PTPRT: variants seen among roughly 807,000 people sequenced by gnomAD.
PTPRT encodes receptor-type tyrosine-protein phosphatase T.
In PTPRT, 56 loss-of-function variants were observed where a neutral mutation model predicts 176.8. The ratio of observed to expected loss-of-function variants is 0.32; its 90% CI spans 0.26 to 0.40. The LOEUF (loss-of-function observed/expected upper bound fraction) is 0.40. PTPRT is among the 10% of genes least tolerant of loss of function. PTPRT has a pLI of 1.00. For missense variants in PTPRT, 1,540 were observed against 1,908.2 expected (o/e 0.81, Z 3.60); for synonymous variants, 783 against 739.0 (o/e 1.06, Z -0.96).
intron 13 of PTPRT, among the ~76,000 whole-genome samples, chr20:42,256,654 C>T (rs2056647041): frequency 1.3e-5 from 2 of 148,726 alleles, no homozygotes; most frequent in Non-Finnish European, 3.0e-5. Flanking sequence ...CACAGCCTCA[C>T]ATCAGACAGC....
the PTPRT span, among the ~76,000 whole-genome samples, chr20:42,050,725 CAGG>C: frequency 2.6e-5 from 4 of 152,184 alleles, no homozygotes; most frequent in Non-Finnish European, 5.9e-5. Flanking sequence ...CTGACCAGAA[CAGG>C]AGAAGAGGTC....
At chr20:42,181,109 C>CT (rs1365473315) in intron 16 of PTPRT, among the ~76,000 whole-genome samples, 7 of 152,164 alleles carry the variant, frequency 4.6e-5, no homozygotes, top group African/African-American at 7.2e-5. Flanking sequence ...GTTTCTTGTA[C>CT]TTTCCCATTT....
intron 7 of PTPRT, among the ~76,000 whole-genome samples, chr20:42,643,012 C>T (rs1048999135): frequency 2.6e-5 from 4 of 152,144 alleles, no homozygotes; most frequent in African/African-American, 9.7e-5. Flanking sequence ...ACCCCAAGGC[C>T]AGGCTAGCTT....
At chr20:42,360,570 A>G (rs1230893266) in intron 9 of PTPRT, among the ~76,000 whole-genome samples, 1 of 152,214 alleles carries the variant, frequency 6.6e-6, no homozygotes. Context: ...TTCTTGTTTA[A>G]TGAGTCTGTC....
chr20:42,464,568 C>T (rs1483296609), intron 8 of PTPRT, among the ~76,000 whole-genome samples: 2 of 152,152 alleles, frequency 1.3e-5, no homozygotes, highest in African/African-American at 4.8e-5. Context: ...CAGCACAATG[C>T]CTAGTTCATA....
chr20:42,956,713 C>T (rs1244805499), intron 1 of PTPRT, among the ~76,000 whole-genome samples: 1 of 152,116 alleles, frequency 6.6e-6, no homozygotes, highest in Admixed American at 6.5e-5. Flanking sequence ...GAGACTGTGA[C>T]AAAGTCTCAC....
chr20:42,223,755 C>A (rs529508293), intron 15 of PTPRT, among the ~76,000 whole-genome samples: 3 of 152,126 alleles, frequency 2.0e-5, no homozygotes, highest in Non-Finnish European at 4.4e-5. Context: ...ACCAAAAATT[C>A]TCATCTGGTA....
At chr20:42,782,240 C>T (rs1390199912) in intron 3 of PTPRT, among the ~76,000 whole-genome samples, 1 of 151,432 alleles carries the variant, frequency 6.6e-6, no homozygotes, top group Non-Finnish European at 1.5e-5. Context: ...CCTTCTCCAT[C>T]TTCCCTTCTA....
In PTPRT at chr20:42,734,422, T is replaced by C. The variant is rs187959961; in HGVS notation, c.859+22040A>G. Reference sequence around the variant, plus strand: ...AATAGCATCATCCTTCTTATCCAAATCCAATAAAGCAATGCTGTTCTTCAA... The same window carrying C: ...AATAGCATCATCCTTCTTATCCAAACCCAATAAAGCAATGCTGTTCTTCAA... On this transcript the variant is annotated intron_variant, in intron 6 of 30. Transcript: ENST00000373187. Among the ~76,000 whole-genome samples the C allele has an allele frequency of 2.0e-3, 309 of 152,222 alleles. 4 individuals are homozygous for C. Among genetic ancestry groups the C allele is most frequent in the African/African-American group, 6.9e-3 (285 of 41,544 alleles).
chr20:42,148,146 C>T (rs143271954), intron 17 of PTPRT, among the ~76,000 whole-genome samples: 105 of 151,986 alleles, frequency 6.9e-4, no homozygotes, highest in African/African-American at 1.2e-3. Context: ...TATCAATCTC[C>T]GCTTTCCTTT....
At chr20:43,148,149 T>A (rs1048626845) in intron 1 of PTPRT, among the ~76,000 whole-genome samples, 5 of 152,140 alleles carry the variant, frequency 3.3e-5, no homozygotes, top group Admixed American at 2.6e-4. Flanking sequence ...TTTAACCTCA[T>A]CTTGGCCACA....
chr20:42,186,212 GC>G (rs1301675963), intron 16 of PTPRT, among the ~76,000 whole-genome samples: 3 of 151,938 alleles, frequency 2.0e-5, no homozygotes, highest in African/African-American at 7.3e-5. Context: ...GGCTTTGTGG[GC>G]TAGGTGGTCT....
At chr20:42,234,735 T>C (rs950855687) in intron 15 of PTPRT, among the ~76,000 whole-genome samples, 1 of 152,244 alleles carries the variant, frequency 6.6e-6, no homozygotes, top group Non-Finnish European at 1.5e-5. Context: ...ATAATGTGCA[T>C]GTTCAAAGCA....
intron 9 of PTPRT, among the ~76,000 whole-genome samples, chr20:42,365,087 C>T (rs2058495573): frequency 6.6e-6 from 1 of 152,186 alleles, no homozygotes; most frequent in Non-Finnish European, 1.5e-5. Flanking sequence ...CAGTAATATA[C>T]TTTCTTTAAC....
At chr20:43,125,162 ATT>A (rs11477178) in intron 1 of PTPRT, among the ~76,000 whole-genome samples, 3,326 of 145,292 alleles carry the variant, frequency 0.023, 123 homozygotes, top group African/African-American at 0.077. Flanking sequence ...CACCTAGCTG[ATT>A]TTTTTTTTTT....
chr20:42,834,093 A>G (rs2078139837), intron 2 of PTPRT, among the ~76,000 whole-genome samples: 1 of 152,218 alleles, frequency 6.6e-6, no homozygotes, highest in South Asian at 2.1e-4. Flanking sequence ...GGCTGGGAAA[A>G]AAAAATTAAA....
chr20:42,180,652 C>A (rs907505856), intron 16 of PTPRT, among the ~76,000 whole-genome samples: 1 of 152,270 alleles, frequency 6.6e-6, no homozygotes, highest in South Asian at 2.1e-4. Context: ...AGGTGCTCAA[C>A]AAACCTTGTT....
rs769428215 is a variant in PTPRT, at chr20:42,756,547, G to T, written c.774C>A (p.Ala258=). 25 of 1,613,198 alleles carry T rather than the reference G, an allele frequency of 1.5e-5. 1 individual carries two copies. Among genetic ancestry groups the T allele is most frequent in the East Asian group, 1.3e-4 (6 of 44,846 alleles). Residue 258 remains alanine, a synonymous_variant, in exon 6 of 31, where the codon GCC becomes GCA. Coordinates refer to ENST00000373187, the MANE Select transcript of PTPRT (RefSeq NM_007050.6). ...AGCGGTACTTGCTGACGCTCCGCTG[G>T]GCAGTGTCTGCCACACTGACTGTGG... The part of the protein sequence containing the change: ...FSATVSVADT[A]QRSVSKYRCV...
intron 7 of PTPRT, among the ~76,000 whole-genome samples, chr20:42,642,661 C>T (rs768689222): frequency 6.6e-6 from 1 of 152,132 alleles, no homozygotes; most frequent in Non-Finnish European, 1.5e-5. Flanking sequence ...TAGTATTACA[C>T]TCTTTAATAC....
Sources: allele counts gnomAD v4.1 joint callset (sites outside exome capture counted in the v4.1 genomes callset), GRCh38; gene constraint gnomAD v4.1.1; transcripts MANE v1.5; gene names NCBI Gene and HGNC (gene_info 2026-07-23, HGNC 2026-07-21).